The following CFAP221 variants were observed in gnomAD, a reference collection of about 807,000 sequenced individuals.
CFAP221 encodes the protein cilia and flagella associated protein 221, also known as cilia- and flagella-associated protein 221.
A neutral mutation model predicts 113.1 loss-of-function variants in CFAP221; 97 were observed. That is an observed-to-expected ratio of 0.86 (90% confidence interval 0.73 to 1.02). CFAP221 has a LOEUF of 1.02. CFAP221 is among the 50% of genes least tolerant of loss of function. CFAP221 has a pLI of 0.00. For synonymous variants in CFAP221, 331 were observed against 354.4 expected, an observed-to-expected ratio of 0.93 and a Z score of 0.74; for missense variants, 1,025 against 1,013.4, an observed-to-expected ratio of 1.01 and a Z score of -0.16.
chr2:119,637,065 G>T (rs1179930986), intron 19 of CFAP221, among the ~76,000 whole-genome samples: 2 of 152,138 alleles, frequency 1.3e-5, no homozygotes, highest in Non-Finnish European at 2.9e-5. Context: ...CATAGGGTGG[G>T]CCCAGCCCCA....
At chr2:119,614,069 G>C (rs1366832411) in intron 13 of CFAP221, among the ~76,000 whole-genome samples, 1 of 152,150 alleles carries the variant, frequency 6.6e-6, no homozygotes, top group African/African-American at 2.4e-5. Context: ...CTAGGGCAGG[G>C]GCAAAATGCC....
chr2:119,639,563 G>A (rs147344762), intron 20 of CFAP221, among the ~76,000 whole-genome samples: 1 of 152,350 alleles, frequency 6.6e-6, no homozygotes, highest in African/African-American at 2.4e-5. Flanking sequence ...TGAAGCAAGG[G>A]AAGCAAACCT....
intron 7 of CFAP221, among the ~76,000 whole-genome samples, chr2:119,596,596 A>G (rs999297823): frequency 7.9e-5 from 12 of 152,218 alleles, no homozygotes; most frequent in Non-Finnish European, 1.8e-4. Context: ...ATGAAACAGA[A>G]AGTTAGTAGA....
chr2:119,633,682 C>T (rs1374300437), intron 19 of CFAP221, among the ~76,000 whole-genome samples: 1 of 149,530 alleles, frequency 6.7e-6, no homozygotes, highest in East Asian at 2.0e-4. Context: ...CTTGAATAGA[C>T]ATTTCTCCAA....
rs559538582 is a variant in CFAP221, at chr2:119,544,494, C to T, written c.-64C>T. ...GCGCTGGCGCCGGCCGAATCCGGCC[C>T]GGGAACCACCTCCAGGGTGAGCGGC... On this transcript the variant is annotated 5_prime_UTR_variant, in exon 1 of 24. Coordinates refer to ENST00000413369, the MANE Select transcript of CFAP221 (RefSeq NM_001271049.2). 2.6e-5 allele frequency: 4 copies of T among 151,926 alleles called. No homozygotes were observed. The highest frequency in any genetic ancestry group is 5.9e-5 in the Non-Finnish European group (4 of 67,962). The allele number at this position is 151,926 out of a possible 1,614,324, so 9.4% of individuals were successfully genotyped here. A position where few individuals can be genotyped will look rare whatever the true frequency, so the allele number is the denominator to read the frequency against.
At chr2:119,572,439 A>G (rs1682127895) in intron 6 of CFAP221, 3 of 578,104 alleles carry the variant, frequency 5.2e-6, no homozygotes, top group African/African-American at 3.7e-5. Flanking sequence ...TCTTCTTATA[A>G]TAAGTAAATA....
Position 119,610,037 on chromosome 2 carries a change from AAAAAC to A in CFAP221, c.1221+1455_1221+1459del, listed in dbSNP as rs368521053. 3.5e-3 allele frequency among the ~76,000 whole-genome samples: 538 copies of A among 152,336 alleles called. 5 individuals are homozygous for A. Among genetic ancestry groups the A allele is most frequent in the African/African-American group, 0.012 (505 of 41,582 alleles). ...GTTCAGATTCTTTGCATGCTTTCTT[AAAAAC>A]AAAACATCAAGTATTGTCTGTCAAC... On this transcript the variant is annotated intron_variant, in intron 12 of 23. Transcript: ENST00000413369.
At chr2:119,610,599 A>G (rs1451082384) in intron 12 of CFAP221, among the ~76,000 whole-genome samples, 4 of 152,098 alleles carry the variant, frequency 2.6e-5, no homozygotes, top group Non-Finnish European at 4.4e-5. Flanking sequence ...CTCCCCACGA[A>G]ATCTGTACTT....
rs571934291 is a variant in CFAP221 at position 119,551,346 on chromosome 2, C to G, written c.240+2161C>G. Reference sequence around the variant, plus strand: ...CAAATTTAGGGTATTAAAGAAACAACTAACAAAGTCATAAAGACTTACTCC... The same window carrying G: ...CAAATTTAGGGTATTAAAGAAACAAGTAACAAAGTCATAAAGACTTACTCC... On this transcript the variant is annotated intron_variant, in intron 3 of 23. Transcript: ENST00000413369. Among the ~76,000 whole-genome samples the G allele has an allele frequency of 2.0e-5, 3 of 152,294 alleles. No homozygotes were observed. The South Asian group carries it at 6.2e-4, about 32-fold the overall frequency.
At chr2:119,615,548 T>G in intron 13 of CFAP221, 63 bp from the exon 14 acceptor site, 1 of 1,176,428 alleles carries the variant, frequency 8.5e-7, no homozygotes, top group Non-Finnish European at 1.2e-6. Context: ...AATGTTTTTA[T>G]TAGATGTTTA....
chr2:119,553,968 A>G (rs114267587), intron 3 of CFAP221, among the ~76,000 whole-genome samples: 143 of 152,330 alleles, frequency 9.4e-4, no homozygotes, highest in African/African-American at 3.3e-3. Flanking sequence ...AATACAATGT[A>G]AAGTCTAGGT....
chr2:119,594,851 T>C (rs554134274), intron 7 of CFAP221, among the ~76,000 whole-genome samples: 11 of 152,226 alleles, frequency 7.2e-5, no homozygotes, highest in Non-Finnish European at 1.6e-4. Flanking sequence ...ATGAGGAAGC[T>C]GAGGCATGGA....
intron 1 of CFAP221, among the ~76,000 whole-genome samples, 180 bp from the exon 2 acceptor site, chr2:119,545,905 G>C (rs2104997119): frequency 6.6e-6 from 1 of 152,274 alleles, no homozygotes; most frequent in South Asian, 2.1e-4. Flanking sequence ...GTTGCAATGG[G>C]TTATGTAAGA....
chr2:119,616,560 T>TA (rs1292300020), intron 14 of CFAP221, among the ~76,000 whole-genome samples: 1 of 152,176 alleles, frequency 6.6e-6, no homozygotes. Context: ...GTTATCAGGA[T>TA]AAAACGAAGA....
chr2:119,657,863 A>T (rs1259689773), downstream of CFAP221, among the ~76,000 whole-genome samples: 1 of 152,194 alleles, frequency 6.6e-6, no homozygotes, highest in African/African-American at 2.4e-5. Context: ...TTTTGCAAGA[A>T]TTCCACAGAA....
chr2:119,630,457 TG>T, intron 17 of CFAP221, 112 bp from the exon 18 acceptor site: 1 of 760,720 alleles, frequency 1.3e-6, no homozygotes, highest in Non-Finnish European at 2.2e-6. Context: ...GACTACAACA[TG>T]GTGCTTGTCT....
chr2:119,604,307 G>C (rs988830967), intron 8 of CFAP221, among the ~76,000 whole-genome samples: 1 of 151,996 alleles, frequency 6.6e-6, no homozygotes, highest in Non-Finnish European at 1.5e-5. Flanking sequence ...AGTGGTGCAC[G>C]CATGTAGTCC....
chr2:119,549,174 C>T lies in CFAP221; in HGVS notation c.229C>T (p.Gln77Ter). Reference sequence around the variant, plus strand: ...AGGCTATCAAGTAGAAAAACAACACCAACAGATTCTGGTAGGTACTTTTTA... The same window carrying T: ...AGGCTATCAAGTAGAAAAACAACACTAACAGATTCTGGTAGGTACTTTTTA... ...FGGYQVEKQHQQILHLVNVSN... is the reference protein window; with the variant it reads ...FGGYQVEKQH The change falls in exon 3 of 24, where the codon CAA (glutamine) becomes TAA (stop). Residue 77 changes from glutamine (Q) to a stop codon, truncating the protein, a stop_gained. Transcript: ENST00000413369. LOFTEE classifies it high-confidence loss of function. 4 of 1,531,172 alleles carry T rather than the reference C, an allele frequency of 2.6e-6. No homozygotes were observed. The highest frequency in any genetic ancestry group is 3.5e-6 in the Non-Finnish European group (4 of 1,144,240). The allele number at this position is 1,531,172 out of a possible 1,614,324, so 94.8% of individuals were successfully genotyped here.
chr2:119,642,836 C>T (rs910923663), intron 21 of CFAP221, among the ~76,000 whole-genome samples: 4 of 150,142 alleles, frequency 2.7e-5, no homozygotes, highest in African/African-American at 9.8e-5. Context: ...CCACTGCACC[C>T]AGCTTCTCAG....
Sources: allele counts gnomAD v4.1 joint callset (sites outside exome capture counted in the v4.1 genomes callset), GRCh38; gene constraint gnomAD v4.1.1; transcripts MANE v1.5; gene names NCBI Gene and HGNC (gene_info 2026-07-23, HGNC 2026-07-21).